The following TMEM131 variants were observed in gnomAD, a reference collection of about 807,000 sequenced individuals.
TMEM131 encodes 2610524E03Rik.
TMEM131 carries 66 observed loss-of-function variants against 211.6 expected under a neutral mutation model. The observed-to-expected ratio is 0.31, with a 90% confidence interval of 0.26 to 0.38. TMEM131 has a LOEUF of 0.38. TMEM131 is among the 10% of genes least tolerant of loss of function. The pLI is 1.00. For missense variants in TMEM131, 2,036 were observed against 2,299.3 expected (o/e 0.89, Z 2.34); for synonymous variants, 844 against 841.3 (o/e 1.00, Z -0.06).
chr2:97,760,416 C>A (rs554459793), intron 38 of TMEM131, 177 bp downstream of exon 38: 1 of 643,932 alleles, frequency 1.6e-6, no homozygotes, highest in Non-Finnish European at 2.7e-6. Context: ...GCACCGCAGC[C>A]GGCTTTCTGC....
At chr2:97,802,983 A>G (rs187258840) in intron 22 of TMEM131, among the ~76,000 whole-genome samples, 193 bp from the exon 23 acceptor site, 103 of 152,352 alleles carry the variant, frequency 6.8e-4, no homozygotes, top group Middle Eastern at 6.8e-3. Context: ...AGTTGCCAAA[A>G]TATCTGTCAC....
At chr2:97,810,107 T>C in intron 18 of TMEM131, among the ~76,000 whole-genome samples, 1 of 152,274 alleles carries the variant, frequency 6.6e-6, no homozygotes, top group South Asian at 2.1e-4. Flanking sequence ...AAAAATAGAT[T>C]ATTTTAAAAA....
chr2:97,814,236 T>A lies in TMEM131; in HGVS notation c.1445A>T (p.Lys482Ile). 1 of 1,613,656 alleles carries A rather than the reference T, an allele frequency of 6.2e-7. No homozygotes were observed. Among genetic ancestry groups the A allele is most frequent in the Non-Finnish European group, 8.5e-7 (1 of 1,179,710 alleles). The change falls in exon 14 of 41, where the codon AAA (lysine) becomes ATA (isoleucine). Residue 482 changes from lysine to isoleucine, a missense_variant and splice_region_variant. Physicochemically the swap from Lys to Ile is moderately radical, Grantham distance 102. Transcript: ENST00000186436. Reference protein sequence around the residue: ...LLPEEAKTMFKVHNFSKPVLI... With the variant: ...LLPEEAKTMFIVHNFSKPVLI... ...AAGTATGAGGGCTCCTGGACATACT[T>A]TAAACATTGTTTTGGCTTCTTCTGG...
intron 2 of TMEM131, among the ~76,000 whole-genome samples, chr2:97,913,872 T>C (rs1330417208): frequency 6.6e-6 from 1 of 152,170 alleles, no homozygotes; most frequent in Non-Finnish European, 1.5e-5. Flanking sequence ...ACTTACATAC[T>C]GGGCAGCTTT....
chr2:97,918,504 C>T (rs1676605002), intron 2 of TMEM131, among the ~76,000 whole-genome samples: 1 of 152,072 alleles, frequency 6.6e-6, no homozygotes, highest in African/African-American at 2.4e-5. Flanking sequence ...AGAAAATTCA[C>T]ACCATAAGTG....
At chr2:97,841,069 C>A (rs1219138269) in intron 7 of TMEM131, among the ~76,000 whole-genome samples, 2 of 152,186 alleles carry the variant, frequency 1.3e-5, no homozygotes, top group Non-Finnish European at 2.9e-5. Context: ...TTAAGTCCTG[C>A]AGTGTTGGTC....
chr2:97,972,646 T>C (rs1213000716), intron 1 of TMEM131, among the ~76,000 whole-genome samples: 1 of 152,162 alleles, frequency 6.6e-6, no homozygotes, highest in Admixed American at 6.5e-5. Context: ...CCAAATCACA[T>C]GGCAAAGGGG....
chr2:97,832,105 T>C (rs1241607125), intron 11 of TMEM131, among the ~76,000 whole-genome samples: 8 of 149,534 alleles, frequency 5.3e-5, no homozygotes, highest in Admixed American at 5.3e-4. Context: ...ATTTATTACA[T>C]AGCAGTACTA....
intron 1 of TMEM131, among the ~76,000 whole-genome samples, chr2:97,934,002 A>T (rs1047727809): frequency 1.3e-5 from 2 of 152,048 alleles, no homozygotes; most frequent in Non-Finnish European, 2.9e-5. Context: ...TCTATTCAAC[A>T]TGTGCTAGAA....
intron 1 of TMEM131, among the ~76,000 whole-genome samples, chr2:97,931,000 G>A (rs552142121): frequency 6.6e-6 from 1 of 151,862 alleles, no homozygotes; most frequent in East Asian, 1.9e-4. Context: ...TAGCAAGAAA[G>A]TGGCTAGAGA....
chr2:97,984,327 A>C (rs1294138420), intron 1 of TMEM131, among the ~76,000 whole-genome samples: 2 of 152,158 alleles, frequency 1.3e-5, no homozygotes, highest in Non-Finnish European at 2.9e-5. Flanking sequence ...TCCTAATTCC[A>C]TAAGAAGTTT....
At chr2:97,949,556 T>A (rs1250922470) in intron 1 of TMEM131, among the ~76,000 whole-genome samples, 1 of 152,084 alleles carries the variant, frequency 6.6e-6, no homozygotes, top group Non-Finnish European at 1.5e-5. Flanking sequence ...GGCTCACGCC[T>A]GTAATCCCAG....
At chr2:97,820,262 A>G (rs1160213382) in intron 11 of TMEM131, among the ~76,000 whole-genome samples, 1 of 152,356 alleles carries the variant, frequency 6.6e-6, no homozygotes, top group Non-Finnish European at 1.5e-5. Context: ...TTACTTATCA[A>G]TAAGTTTGCT....
chr2:97,894,268 T>A (rs1429399730), intron 3 of TMEM131, among the ~76,000 whole-genome samples: 3 of 152,240 alleles, frequency 2.0e-5, no homozygotes, highest in African/African-American at 7.2e-5. Context: ...TACCATGCTG[T>A]TGTGGTTACT....
At chr2:97,944,087 A>AAAATAAAT (rs1000296427) in intron 1 of TMEM131, among the ~76,000 whole-genome samples, 2 of 152,300 alleles carry the variant, frequency 1.3e-5, no homozygotes, top group South Asian at 4.1e-4. Context: ...ACTAAAAATA[A>AAAATAAAT]AAATAAATAA....
intron 1 of TMEM131, among the ~76,000 whole-genome samples, chr2:97,985,377 A>G (rs1679981176): frequency 1.3e-5 from 2 of 152,030 alleles, no homozygotes; most frequent in Non-Finnish European, 2.9e-5. Flanking sequence ...ATACACACAC[A>G]CACACAGACT....
chr2:97,865,869 C>T (rs1033438964), intron 4 of TMEM131, among the ~76,000 whole-genome samples: 1 of 152,060 alleles, frequency 6.6e-6, no homozygotes, highest in African/African-American at 2.4e-5. Flanking sequence ...GCAGGGCTTG[C>T]TTTCTGGCAA....
intron 1 of TMEM131, among the ~76,000 whole-genome samples, chr2:97,972,365 C>A (rs1287635628): frequency 6.6e-6 from 1 of 151,478 alleles, no homozygotes; most frequent in South Asian, 2.1e-4. Context: ...CTGCACTACT[C>A]CCACCTGGGT....
chr2:97,776,960 T>G (rs1679767142), intron 31 of TMEM131, among the ~76,000 whole-genome samples: 1 of 152,176 alleles, frequency 6.6e-6, no homozygotes, highest in Non-Finnish European at 1.5e-5. Flanking sequence ...TGTGTATATA[T>G]ATGGACAGAG....
Sources: gnomAD v4.1 joint callset for allele counts (sites outside exome capture counted in the v4.1 genomes callset) on GRCh38, gnomAD v4.1.1 for gene constraint, MANE v1.5 for transcripts, NCBI Gene and HGNC (gene_info 2026-07-23, HGNC 2026-07-21) for gene names.